The following CPQ variants were observed in gnomAD, a reference collection of about 807,000 sequenced individuals.
CPQ encodes the protein Ser-Met dipeptidase.
A neutral mutation model predicts 45.7 loss-of-function variants in CPQ; 37 were observed. That is an observed-to-expected ratio of 0.81 (90% CI 0.62 to 1.07). The LOEUF is 1.07. CPQ is among the 50% of genes least tolerant of loss of function. The pLI is 0.00. For missense variants in CPQ, 537 were observed against 572.9 expected, an observed-to-expected ratio of 0.94 and a Z score of 0.64; for synonymous variants, 186 against 205.8, an observed-to-expected ratio of 0.90 and a Z score of 0.82.
chr8:96,949,256 ATT>A (rs5893402), intron 4 of CPQ, among the ~76,000 whole-genome samples: 62,329 of 146,668 alleles, frequency 0.42, 13,383 homozygotes, highest in African/African-American at 0.55. Flanking sequence ...TGTTTTCTTG[ATT>A]TTTTTTTTTT....
chr8:96,860,090 A>G (rs1281009039), intron 3 of CPQ, among the ~76,000 whole-genome samples: 4 of 152,116 alleles, frequency 2.6e-5, no homozygotes, highest in East Asian at 1.9e-4. Context: ...TGAGAGTTCT[A>G]TGAACTCTTT....
intron 5 of CPQ, among the ~76,000 whole-genome samples, chr8:97,027,008 T>G (rs771150731): frequency 5.9e-5 from 9 of 152,212 alleles, no homozygotes; most frequent in Non-Finnish European, 8.8e-5. Context: ...GGTGCGGAGA[T>G]ATGTAAAAAA....
chr8:96,955,167 C>T lies in CPQ; in HGVS notation c.850-10768C>T, dbSNP rs1364828651. 7.2e-5 allele frequency among the ~76,000 whole-genome samples: 11 copies of T among 152,240 alleles called. No homozygotes were observed. The East Asian group carries it at 1.7e-3, about 24-fold the overall frequency. On this transcript the variant is annotated intron_variant, in intron 4 of 7. Coordinates refer to ENST00000220763, the MANE Select transcript of CPQ (RefSeq NM_016134.4). ...TTCTGGTTCTAGATCCCTGAGGAAT[C>T]GCCACACTGTCTTCCACAATGGTTG...
intron 6 of CPQ, among the ~76,000 whole-genome samples, chr8:97,048,770 A>C (rs1160597388): frequency 6.6e-6 from 1 of 152,228 alleles, no homozygotes; most frequent in Non-Finnish European, 1.5e-5. Flanking sequence ...CATATTCAAA[A>C]ATTTAACAAA....
intron 4 of CPQ, among the ~76,000 whole-genome samples, chr8:96,905,131 G>A (rs969119153): frequency 2.0e-5 from 3 of 152,122 alleles, no homozygotes; most frequent in African/African-American, 7.2e-5. Flanking sequence ...AGGCCAAGGG[G>A]AAGCAAGGCA....
At chr8:96,647,073 T>G (rs1039071678) in intron 1 of CPQ, among the ~76,000 whole-genome samples, 8 of 152,214 alleles carry the variant, frequency 5.3e-5, no homozygotes, top group Admixed American at 1.3e-4. Context: ...TTTCTTCGCA[T>G]GCATTTGAGA....
At chr8:97,114,340 G>A (rs1811547035) in intron 7 of CPQ, among the ~76,000 whole-genome samples, 2 of 152,206 alleles carry the variant, frequency 1.3e-5, no homozygotes, top group African/African-American at 4.8e-5. Flanking sequence ...ATTTGCCCTC[G>A]AATTTCAGCG....
intron 1 of CPQ, among the ~76,000 whole-genome samples, chr8:96,665,042 T>C (rs1401916208): frequency 6.6e-6 from 1 of 152,160 alleles, no homozygotes; most frequent in Non-Finnish European, 1.5e-5. Context: ...TGGGGTACTT[T>C]GAAGGAGGTA....
rs113651211 is a variant in CPQ at position 96,732,605 on chromosome 8, T to C, written c.-34-52259T>C. On this transcript the variant is annotated intron_variant, in intron 1 of 7. Transcript: ENST00000220763. ...TTTAAAGATTTCCATTCTTAATAGA[T>C]GAGAAAAAAAATTCCTAAGAAGTAA... is the stretch of plus-strand genomic sequence containing the variant. 6.0e-3 allele frequency among the ~76,000 whole-genome samples: 905 copies of C among 151,934 alleles called. 16 individuals are homozygous for C. Among genetic ancestry groups the C allele is most frequent in the African/African-American group, 0.016 (654 of 41,470 alleles).
intron 1 of CPQ, among the ~76,000 whole-genome samples, chr8:96,660,069 A>G (rs1344466201): frequency 6.6e-6 from 1 of 152,172 alleles, no homozygotes; most frequent in Non-Finnish European, 1.5e-5. Context: ...TTCTAGGTGG[A>G]TTCATAGTGC....
intron 3 of CPQ, among the ~76,000 whole-genome samples, chr8:96,839,450 T>A (rs1811576710): frequency 6.6e-6 from 1 of 152,312 alleles, no homozygotes; most frequent in Admixed American, 6.5e-5. Flanking sequence ...AGAGCTTTTT[T>A]AGTTTTTCTG....
intron 1 of CPQ, among the ~76,000 whole-genome samples, chr8:96,679,330 T>A (rs1326653034): frequency 6.6e-6 from 1 of 152,174 alleles, no homozygotes; most frequent in Admixed American, 6.6e-5. Context: ...AGTATTTTGT[T>A]GAGAATTTTT....
intron 1 of CPQ, among the ~76,000 whole-genome samples, chr8:96,767,635 CTTTTTTTTTT>C (rs1172189500): frequency 1.5e-4 from 6 of 39,278 alleles, no homozygotes; most frequent in East Asian, 7.8e-4. Flanking sequence ...GTTACCTATG[CTTTTTTTTTT>C]TTTTTTTTTT....
At chr8:97,136,759 T>A (rs1245663192) in intron 7 of CPQ, among the ~76,000 whole-genome samples, 2 of 152,232 alleles carry the variant, frequency 1.3e-5, no homozygotes, top group Non-Finnish European at 2.9e-5. Flanking sequence ...GGGAGAATAT[T>A]TGCCTTCAGA....
chr8:96,645,714 C>T (rs868009237), intron 1 of CPQ, among the ~76,000 whole-genome samples: 2 of 151,950 alleles, frequency 1.3e-5, no homozygotes, highest in African/African-American at 4.8e-5. Flanking sequence ...CTTCCCAACA[C>T]GGTTTCACTT....
At chr8:96,908,747 G>GCGCACACA (rs149476038) in intron 4 of CPQ, among the ~76,000 whole-genome samples, 102 of 140,998 alleles carry the variant, frequency 7.2e-4, no homozygotes, top group South Asian at 2.7e-3. Context: ...ATACACATGC[G>GCGCACACA]CACACACACA....
At chr8:97,001,721 C>A (rs866141471) in intron 5 of CPQ, among the ~76,000 whole-genome samples, 2 of 92,068 alleles carry the variant, frequency 2.2e-5, no homozygotes, top group Non-Finnish European at 4.1e-5. Flanking sequence ...TTCTTTCTTT[C>A]TTTTTTTTTT....
intron 1 of CPQ, among the ~76,000 whole-genome samples, chr8:96,699,081 T>G (rs2130743939): frequency 6.6e-6 from 1 of 152,274 alleles, no homozygotes; most frequent in South Asian, 2.1e-4. Flanking sequence ...GGGAGCAAAC[T>G]AAGTGTCCAT....
intron 1 of CPQ, among the ~76,000 whole-genome samples, chr8:96,698,735 C>T (rs1001908843): frequency 2.0e-5 from 3 of 152,022 alleles, no homozygotes; most frequent in Non-Finnish European, 2.9e-5. Context: ...CAAAGGTGCT[C>T]AACATCACTG....
Sources: allele counts gnomAD v4.1 joint callset (sites outside exome capture counted in the v4.1 genomes callset), GRCh38; gene constraint gnomAD v4.1.1; transcripts MANE v1.5; gene names NCBI Gene and HGNC (gene_info 2026-07-23, HGNC 2026-07-21).